Variants in ARID2 observed in about 807,000 individuals in gnomAD.
ARID2 encodes AT-rich interactive domain-containing protein 2.
A neutral mutation model predicts 184.6 loss-of-function variants in ARID2; 32 were observed. The ratio of observed to expected loss-of-function variants is 0.17; its 90% CI spans 0.13 to 0.23. ARID2 has a LOEUF of 0.23. Ranked by LOEUF, ARID2 falls within the 10% of genes least tolerant of loss-of-function variation. The probability of loss-of-function intolerance (pLI) is 1.00; values close to 1 mark genes in which losing one functional copy is unlikely to be tolerated. For synonymous variants in ARID2, 836 were observed against 772.6 expected, an observed-to-expected ratio of 1.08 and a Z score of -1.36; for missense variants, 1,696 against 2,197.6, an observed-to-expected ratio of 0.77 and a Z score of 4.56.
At chr12:45,881,836 G>GT in intron 16 of ARID2, 1 of 226,182 alleles carries the variant, frequency 4.4e-6, no homozygotes. Flanking sequence ...TCCCTCTTGT[G>GT]TTTTTTGAAC....
chr12:45,858,036 A>T (rs889046259), intron 15 of ARID2, among the ~76,000 whole-genome samples: 2 of 152,226 alleles, frequency 1.3e-5, no homozygotes, highest in African/African-American at 4.8e-5. Flanking sequence ...CTGGGATTAT[A>T]GGCATGAGCC....
Position 45,743,026 on chromosome 12 carries a change from T to C in ARID2, c.284+11712T>C, listed in dbSNP as rs56884429. Among the ~76,000 whole-genome samples, 814 of 152,236 alleles carry C rather than the reference T, an allele frequency of 5.3e-3. 6 individuals are homozygous for C. The highest frequency in any genetic ancestry group is 0.019 in the African/African-American group (774 of 41,532). On this transcript the variant is annotated intron_variant, in intron 3 of 20. Transcript: ENST00000334344. ...TGGTATCTCACTATATTTTAATTAT[T>C]GAGACATTACAGCATGTTTGTTTGT...
chr12:45,859,797 G>A (rs370674632), intron 15 of ARID2, among the ~76,000 whole-genome samples: 4 of 152,256 alleles, frequency 2.6e-5, no homozygotes, highest in South Asian at 4.2e-4. Context: ...GAAGTGGAGC[G>A]ATCTCAGCTC....
intron 3 of ARID2, among the ~76,000 whole-genome samples, chr12:45,766,076 C>A (rs893218237): frequency 6.6e-6 from 1 of 152,076 alleles, no homozygotes; most frequent in South Asian, 2.1e-4. Context: ...TCTTGATAGG[C>A]ATGTGAGTTA....
chr12:45,871,496 T>C (rs377483518), intron 16 of ARID2, among the ~76,000 whole-genome samples: 1 of 152,236 alleles, frequency 6.6e-6, no homozygotes, highest in Non-Finnish European at 1.5e-5. Flanking sequence ...ATGCATTGTT[T>C]GATACAATTT....
intron 3 of ARID2, among the ~76,000 whole-genome samples, chr12:45,744,998 C>T (rs556056445): frequency 1.8e-4 from 27 of 152,232 alleles, no homozygotes; most frequent in Non-Finnish European, 2.8e-4. Flanking sequence ...TGTGCAGGCA[C>T]GTGTGTGTGT....
At chr12:45,895,040 T>C (rs1944352255) in intron 20 of ARID2, among the ~76,000 whole-genome samples, 1 of 152,168 alleles carries the variant, frequency 6.6e-6, no homozygotes, top group Admixed American at 6.5e-5. Context: ...CAGACATGAG[T>C]TTCTTTGTGT....
rs141715183 is a variant in ARID2, at chr12:45,762,504, T to C, written c.284+31190T>C. On this transcript the variant is annotated intron_variant, in intron 3 of 20. Coordinates refer to ENST00000334344, the MANE Select transcript of ARID2 (RefSeq NM_152641.4). ...AGAAAATTCAGCCTAGTAAAAAGTATACCCAAGTAGAATTTTTAACCCTAG... is the reference window on the plus strand; with the variant it reads ...AGAAAATTCAGCCTAGTAAAAAGTACACCCAAGTAGAATTTTTAACCCTAG... 5.3e-5 allele frequency among the ~76,000 whole-genome samples: 8 copies of C among 152,346 alleles called. No homozygotes were observed. The East Asian group carries it at 1.5e-3, about 29-fold the overall frequency.
chr12:45,814,778 A>C (rs527680469), intron 4 of ARID2, among the ~76,000 whole-genome samples: 4 of 152,362 alleles, frequency 2.6e-5, no homozygotes, highest in African/African-American at 9.6e-5. Flanking sequence ...TATCTTAGGA[A>C]TCTTTACCAA....
At chr12:45,766,510 A>G (rs1167301516) in intron 3 of ARID2, among the ~76,000 whole-genome samples, 2 of 148,820 alleles carry the variant, frequency 1.3e-5, no homozygotes, top group African/African-American at 5.0e-5. Flanking sequence ...TAGATTTTTT[A>G]TTTTATTTAT....
At chr12:45,732,857 T>A (rs1202169061) in intron 3 of ARID2, among the ~76,000 whole-genome samples, 5 of 152,198 alleles carry the variant, frequency 3.3e-5, no homozygotes. Context: ...ACATTCATAC[T>A]AATAGTTTTA....
intron 6 of ARID2, among the ~76,000 whole-genome samples, chr12:45,823,804 A>G (rs1942941635): frequency 6.6e-6 from 1 of 152,192 alleles, no homozygotes; most frequent in South Asian, 2.1e-4. Context: ...AAGTTTCTCA[A>G]TGAAGAAAAG....
intron 3 of ARID2, among the ~76,000 whole-genome samples, chr12:45,752,035 G>T (rs868329482): frequency 1.1e-4 from 16 of 152,132 alleles, no homozygotes; most frequent in African/African-American, 3.6e-4. Context: ...TTAATTAGCA[G>T]AGACCTCAGA....
At chr12:45,825,870 G>GAA (rs370951452) in intron 6 of ARID2, among the ~76,000 whole-genome samples, 1 of 145,908 alleles carries the variant, frequency 6.9e-6, no homozygotes, top group Non-Finnish European at 1.5e-5. Flanking sequence ...TCTTTAAGGG[G>GAA]AAAAAAAAAA....
At chr12:45,729,979 G>A (rs1555139269) in intron 1 of ARID2, 51 bp downstream of exon 1, 2 of 1,606,030 alleles carry the variant, frequency 1.2e-6, no homozygotes, top group Non-Finnish European at 1.7e-6. Flanking sequence ...GGCGAACGGG[G>A]CTCTCCCGCC....
chr12:45,904,865 C>T (rs2136472868), intron 20 of ARID2, 69 bp from the exon 21 acceptor site: 3 of 1,554,288 alleles, frequency 1.9e-6, no homozygotes, highest in East Asian at 4.5e-5. Flanking sequence ...TTTAAACTTG[C>T]AAAATTCATG....
At chr12:45,830,253 C>T (rs1169359710) in intron 6 of ARID2, among the ~76,000 whole-genome samples, 2 of 151,892 alleles carry the variant, frequency 1.3e-5, no homozygotes, top group African/African-American at 4.8e-5. Flanking sequence ...GGTTTTTGTA[C>T]AGATTGGATT....
intron 16 of ARID2, among the ~76,000 whole-genome samples, chr12:45,884,197 G>A (rs1944147072): frequency 6.6e-6 from 1 of 152,142 alleles, no homozygotes; most frequent in African/African-American, 2.4e-5. Context: ...ACGAGTTCAA[G>A]ACCAGCTGGC....
chr12:45,905,453 A>G lies in ARID2; in HGVS notation c.*375A>G, dbSNP rs1045778710. 8.5e-6 allele frequency: 2 copies of G among 235,176 alleles called. No homozygotes were observed. The highest frequency in any genetic ancestry group is 5.6e-5 in the Admixed American group (1 of 17,878). The allele number at this position is 235,176 out of a possible 1,614,324, so 14.6% of individuals were successfully genotyped here. On this transcript the variant is annotated 3_prime_UTR_variant, in exon 21 of 21. Transcript: ENST00000334344. ...TGAGCAGATGAAATAGAAGCATTAA[A>G]TATTTTTATCTATATCCAAAAAGGA...
Sources: gnomAD v4.1 joint callset for allele counts (sites outside exome capture counted in the v4.1 genomes callset) on GRCh38, gnomAD v4.1.1 for gene constraint, MANE v1.5 for transcripts, NCBI Gene and HGNC (gene_info 2026-07-23, HGNC 2026-07-21) for gene names.